ZNF236: variants seen among roughly 807,000 people sequenced by gnomAD.
ZNF236 encodes the protein regulated by glucose.
A neutral mutation model predicts 191.2 loss-of-function variants in ZNF236; 50 were observed. The observed-to-expected ratio is 0.26, with a 90% CI of 0.21 to 0.33. ZNF236 has a LOEUF of 0.33. ZNF236 is among the 10% of genes least tolerant of loss of function. The probability of loss-of-function intolerance (pLI) is 1.00; values close to 1 mark genes in which losing one functional copy is unlikely to be tolerated. For synonymous variants in ZNF236, 907 were observed against 928.8 expected, an observed-to-expected ratio of 0.98 and a Z score of 0.43; for missense variants, 1,754 against 2,374.5, an observed-to-expected ratio of 0.74 and a Z score of 5.43.
intron 10 of ZNF236, among the ~76,000 whole-genome samples, chr18:76,897,564 G>A (rs965204004): frequency 6.6e-6 from 1 of 151,010 alleles, no homozygotes; most frequent in East Asian, 1.9e-4. Context: ...CTGCCCACAG[G>A]TACTGCACAC....
intron 1 of ZNF236, among the ~76,000 whole-genome samples, chr18:76,845,750 GA>G (rs1007970930): frequency 6.6e-6 from 1 of 152,102 alleles, no homozygotes; most frequent in Non-Finnish European, 1.5e-5. Context: ...TTGGGAGGCT[GA>G]GGCAGGAGAA....
chr18:76,899,796 A>G (rs1227250037), intron 11 of ZNF236, among the ~76,000 whole-genome samples: 1 of 152,218 alleles, frequency 6.6e-6, no homozygotes, highest in African/African-American at 2.4e-5. Flanking sequence ...AATTTAAGAA[A>G]CCTCATTGTC....
In ZNF236 at chr18:76,960,659, A is replaced by G. The variant is rs367909069; in HGVS notation, c.5243-20A>G. The stretch of plus-strand genomic sequence containing the variant: ...CTATACTTTTCTTAGAGACATTGAC[A>G]TATGCCATTTTCTGTACAGGGGAGC... On this transcript the variant is annotated intron_variant, in intron 29 of 30. Coordinates refer to ENST00000320610, the MANE Select transcript of ZNF236 (RefSeq NM_001306089.2). The surrounding 1 kb of genome is among the most constrained non-coding windows in gnomAD (Gnocchi z 4.4). The G allele has an allele frequency of 2.2e-5, 35 of 1,614,030 alleles. No individual in the cohort carries two copies. The East Asian group carries it at 2.2e-4, about 10-fold the overall frequency.
At chr18:76,840,800 T>C (rs1296032575) in intron 1 of ZNF236, 1 of 148,104 alleles carries the variant, frequency 6.8e-6, no homozygotes, top group Non-Finnish European at 1.5e-5. Context: ...TGTGTGTGTG[T>C]GTGTGTGTGT....
rs1975799825 is a variant in ZNF236, at chr18:76,849,672, T to C, written c.198+4T>C. 2 of 1,557,360 alleles carry C rather than the reference T, an allele frequency of 1.3e-6. No individual in the cohort carries two copies. The highest frequency in any genetic ancestry group is 1.7e-6 in the Non-Finnish European group (2 of 1,155,200). ...GGATCACGAGCGAAATGACAAGGTA[T>C]GTATTTTCAAAGGTGATGTCAGGAA... On this transcript the variant is annotated splice_donor_region_variant and intron_variant, in intron 2 of 30. Coordinates refer to ENST00000320610, the MANE Select transcript of ZNF236 (RefSeq NM_001306089.2).
chr18:76,840,780 T>TGTGTGTGTGTGC (rs1491277291), intron 1 of ZNF236: 7 of 84,768 alleles, frequency 8.3e-5, no homozygotes, highest in African/African-American at 3.0e-4. Flanking sequence ...ATAACCTGTG[T>TGTGTGTGTGTGC]GTGTGTGTGT....
rs145919472 is a variant in ZNF236, at chr18:76,836,583, A to G, written c.56-12943A>G. 5.4e-5 allele frequency among the ~76,000 whole-genome samples: 8 copies of G among 148,924 alleles called. No homozygotes were observed. In the East Asian group the frequency reaches 1.6e-3, roughly 30 times the overall value. ...TATTTTCATTTATTTATTTATTATT[A>G]TTATTATTTTTTGAGACAGAGTTTT... On this transcript the variant is annotated intron_variant, in intron 1 of 30. Coordinates refer to ENST00000320610, the MANE Select transcript of ZNF236 (RefSeq NM_001306089.2).
chr18:76,838,652 A>C (rs1293271968), intron 1 of ZNF236, among the ~76,000 whole-genome samples: 2 of 152,250 alleles, frequency 1.3e-5, no homozygotes, highest in African/African-American at 4.8e-5. Context: ...GCTAGGCCAC[A>C]GTTACTTGAC....
intron 1 of ZNF236, chr18:76,834,709 G>A (rs1975270892): frequency 4.5e-6 from 2 of 446,832 alleles, no homozygotes; most frequent in Non-Finnish European, 8.8e-6. Context: ...GACCTTTATA[G>A]TGTCCTCATA....
At chr18:76,940,900 T>C (rs117192356) in intron 26 of ZNF236, among the ~76,000 whole-genome samples, 2,397 of 152,316 alleles carry the variant, frequency 0.016, 29 homozygotes, top group Middle Eastern at 0.02. Context: ...CTCCACCTCC[T>C]GTCAGATGAA....
At chr18:76,860,471 G>A (rs1476214695) in intron 3 of ZNF236, among the ~76,000 whole-genome samples, 2 of 152,170 alleles carry the variant, frequency 1.3e-5, no homozygotes, top group Non-Finnish European at 2.9e-5. Context: ...ACCTTATTTT[G>A]AAAACCTTCC....
chr18:76,841,786 C>T (rs1349714665), intron 1 of ZNF236, among the ~76,000 whole-genome samples: 2 of 151,522 alleles, frequency 1.3e-5, no homozygotes, highest in Non-Finnish European at 2.9e-5. Flanking sequence ...CTCTACCTCC[C>T]AGGTTCAAGC....
At chr18:76,891,905 G>A (rs1977247850) in intron 9 of ZNF236, among the ~76,000 whole-genome samples, 1 of 151,990 alleles carries the variant, frequency 6.6e-6, no homozygotes, top group African/African-American at 2.4e-5. Context: ...TAGAAAGCCA[G>A]TCTTCTCTTG....
intron 26 of ZNF236, among the ~76,000 whole-genome samples, chr18:76,941,475 C>T (rs940155587): frequency 3.9e-5 from 6 of 152,176 alleles, no homozygotes; most frequent in Non-Finnish European, 8.8e-5. Flanking sequence ...GCCAGTACCT[C>T]GTTTGCCACG....
At position 76,919,626 on chromosome 18, in the gene ZNF236, G is replaced by A. The variant is rs1335061011; in HGVS notation, c.3275-150G>A. On this transcript the variant is annotated intron_variant, in intron 19 of 30. Transcript: ENST00000320610. The surrounding 1 kb of genome is among the most constrained non-coding windows in gnomAD (Gnocchi z 5.3). The stretch of plus-strand genomic sequence containing the variant: ...GACCTAAGTTTCTCAATAGAGGTGG[G>A]AAAATATAGCAACTCTCTACCATCA... 7.1e-6 allele frequency: 7 copies of A among 984,840 alleles called. No individual in the cohort carries two copies. The highest frequency in any genetic ancestry group is 2.6e-5 in the East Asian group (1 of 37,858). The allele number at this position is 984,840 out of a possible 1,614,324, so 61.0% of individuals were successfully genotyped here.
intron 1 of ZNF236, among the ~76,000 whole-genome samples, chr18:76,827,855 T>C (rs183782138): frequency 4.3e-4 from 66 of 152,320 alleles, no homozygotes; most frequent in African/African-American, 1.2e-3. Context: ...TTAGCAATAA[T>C]GTGACCTTGA....
chr18:76,916,584 T>C (rs1479832873), intron 19 of ZNF236, among the ~76,000 whole-genome samples: 3 of 152,256 alleles, frequency 2.0e-5, no homozygotes, highest in Non-Finnish European at 2.9e-5. Context: ...TTTGTACTTA[T>C]AAGACAACTT....
chr18:76,935,884 C>CA, intron 25 of ZNF236: 1 of 440,604 alleles, frequency 2.3e-6, no homozygotes, highest in Non-Finnish European at 4.6e-6. Flanking sequence ...GATGCTGGAG[C>CA]AGGCGGGAGG....
At chr18:76,855,353 C>T (rs1359526678) in intron 3 of ZNF236, among the ~76,000 whole-genome samples, 1 of 152,198 alleles carries the variant, frequency 6.6e-6, no homozygotes, top group African/African-American at 2.4e-5. Context: ...AGTTACGTCT[C>T]CTTTGGGTTC....
Sources: gnomAD v4.1 joint callset for allele counts (sites outside exome capture counted in the v4.1 genomes callset) on GRCh38, gnomAD v4.1.1 for gene constraint, Gnocchi (gnomAD v3.1) non-coding constraint, MANE v1.5 for transcripts, NCBI Gene and HGNC (gene_info 2026-07-23, HGNC 2026-07-21) for gene names.